SLC45A1: variants seen among roughly 807,000 people sequenced by gnomAD.
SLC45A1 encodes proton-associated sugar transporter A.
Under a neutral mutation model 57.6 loss-of-function variants are expected in SLC45A1, and 28 were observed. The ratio of observed to expected loss-of-function variants is 0.49; its 90% CI spans 0.36 to 0.67. SLC45A1 has a LOEUF of 0.67. SLC45A1 is among the 30% of genes least tolerant of loss of function. The pLI, the probability that SLC45A1 is intolerant of heterozygous loss-of-function variation, is 0.00. For missense variants in SLC45A1, 814 were observed against 1,041.5 expected (o/e 0.78, Z 3.01); for synonymous variants, 459 against 471.5 (o/e 0.97, Z 0.34).
chr1:8,342,391 T>C (rs1360998806), intron 8 of SLC45A1, among the ~76,000 whole-genome samples: 3 of 152,180 alleles, frequency 2.0e-5, no homozygotes, highest in African/African-American at 7.2e-5. Flanking sequence ...AACAGTTTTG[T>C]CACCCCAGGA....
Position 8,330,128 on chromosome 1 carries a change from A to G in SLC45A1, c.716-81A>G, listed in dbSNP as rs1007002791. Reference sequence around the variant, plus strand: ...CCCTGGAATGGCCTTGGCTACCTTCATGTCCTTCTAAGAACGGGGCCACCG... The same window carrying G: ...CCCTGGAATGGCCTTGGCTACCTTCGTGTCCTTCTAAGAACGGGGCCACCG... On this transcript the variant is annotated intron_variant, in intron 4 of 8. Coordinates refer to ENST00000471889, the MANE Select transcript of SLC45A1 (RefSeq NM_001080397.3). This position sits in a 1 kb window ranked among gnomAD's most constrained non-coding sequence, Gnocchi z 8.4. 3.3e-6 allele frequency: 5 copies of G among 1,528,312 alleles called. No individual in the cohort carries two copies. In the African/African-American group the frequency reaches 4.2e-5, roughly 13 times the overall value. The allele number at this position is 1,528,312 out of a possible 1,614,324, so 94.7% of individuals were successfully genotyped here.
rs1640178108 is a variant in SLC45A1 at position 8,325,783 on chromosome 1, A to G, written c.491-35A>G. On this transcript the variant is annotated intron_variant, in intron 3 of 8. Coordinates refer to ENST00000471889, the MANE Select transcript of SLC45A1 (RefSeq NM_001080397.3). The surrounding 1 kb of genome is among the most constrained non-coding windows in gnomAD (Gnocchi z 6.3). ...GCTGCCGGGGACAGAGCTGGTCTGC[A>G]TTTTCTTGGGGTGACTTTGTTTCTC... 6.3e-7 allele frequency: 1 copy of G among 1,593,416 alleles called. No homozygotes were observed. The highest frequency in any genetic ancestry group is 1.1e-5 in the South Asian group (1 of 90,620).
chr1:8,320,621 G>C (rs1639973791), intron 1 of SLC45A1, among the ~76,000 whole-genome samples: 1 of 151,792 alleles, frequency 6.6e-6, no homozygotes, highest in Non-Finnish European at 1.5e-5. Flanking sequence ...GCCTGGGCTA[G>C]ATAGAGGGAG....
At position 8,343,877 on chromosome 1, in the gene SLC45A1, G is replaced by C; in HGVS notation, c.2111G>C (p.Ser704Thr). 1.9e-6 allele frequency: 3 copies of C among 1,614,196 alleles called. No individual in the cohort carries two copies. The Admixed American group carries it at 5.0e-5, about 27-fold the overall frequency. The change falls in exon 9 of 9, where the codon AGT (serine) becomes ACT (threonine). Residue 704 changes from serine (S) to threonine (T), a missense_variant. Physicochemically the swap from Ser to Thr is moderately conservative, Grantham distance 58. Transcript: ENST00000471889. The surrounding 1 kb of genome is among the most constrained non-coding windows in gnomAD (Gnocchi z 7.7). ...VLGPLTSAVG[S>T]ANGVMYFSSL... ...GGGCCCCTGACCTCGGCCGTGGGCA[G>C]TGCCAACGGGGTGATGTACTTCTCC...
intron 1 of SLC45A1, among the ~76,000 whole-genome samples, chr1:8,318,479 G>A (rs536756100): frequency 7.2e-5 from 11 of 152,340 alleles, no homozygotes; most frequent in Non-Finnish European, 1.0e-4. Context: ...CTCCTGATGC[G>A]CTCCTTGAGC....
At chr1:8,340,919 G>A (rs1300017020) in intron 8 of SLC45A1, among the ~76,000 whole-genome samples, 4 of 152,286 alleles carry the variant, frequency 2.6e-5, no homozygotes, top group South Asian at 2.1e-4. Context: ...GGGTCCGGGC[G>A]TGGTGGCTCA....
intron 6 of SLC45A1, chr1:8,336,086 C>G (rs1640601854): frequency 6.5e-6 from 1 of 153,824 alleles, no homozygotes; most frequent in Admixed American, 6.5e-5. Context: ...TAGTCTCTTT[C>G]TGCTGTCGAG....
chr1:8,330,858 G>C lies in SLC45A1; in HGVS notation c.1365G>C (p.Gln455His). The change falls in exon 5 of 9, where the codon CAG becomes CAC. Residue 455 changes from glutamine to histidine, a missense_variant. Gln to His is a conservative substitution (Grantham distance 24, BLOSUM62 0). Coordinates refer to ENST00000471889, the MANE Select transcript of SLC45A1 (RefSeq NM_001080397.3). The surrounding 1 kb of genome is among the most constrained non-coding windows in gnomAD (Gnocchi z 8.4). The stretch of plus-strand genomic sequence containing the variant: ...CATCAGGGATTCTGAAGAGACCTCA[G>C]ACCTTGGCCATCCCGGACGCAGCCG... ...PRSSGILKRPQTLAIPDAAGG... is the reference protein window; with the variant it reads ...PRSSGILKRPHTLAIPDAAGG... The C allele has an allele frequency of 1.2e-6, 2 of 1,611,902 alleles. No homozygotes were observed. The highest frequency in any genetic ancestry group is 1.7e-6 in the Non-Finnish European group (2 of 1,178,810).
chr1:8,325,424 G>GA lies in SLC45A1; in HGVS notation c.490+34_490+35insA. ...TTTTGGCATGGAAATAAAATGGAGA[G>GA]GAAAAAAAAAAGGCCCCAACTGCTT... On this transcript the variant is annotated intron_variant, in intron 3 of 8. Coordinates refer to ENST00000471889, the MANE Select transcript of SLC45A1 (RefSeq NM_001080397.3). This position sits in a 1 kb window ranked among gnomAD's most constrained non-coding sequence, Gnocchi z 6.3. 1 of 1,456,160 alleles carries GA rather than the reference G, an allele frequency of 6.9e-7. No individual in the cohort carries two copies. Among genetic ancestry groups the GA allele is most frequent in the Admixed American group, 2.0e-5 (1 of 50,550 alleles). 90.2% of individuals were successfully genotyped at this position (1,456,160 alleles called of 1,614,324 possible).
intron 6 of SLC45A1, among the ~76,000 whole-genome samples, chr1:8,336,707 C>T (rs1482828330): frequency 6.6e-6 from 1 of 152,204 alleles, no homozygotes; most frequent in Non-Finnish European, 1.5e-5. Flanking sequence ...TGCACCCACA[C>T]TGTGAAATAT....
Position 8,324,504 on chromosome 1 carries a change from T to TGGCCCC in SLC45A1, c.175_176insGGCCCC (p.Ser59delinsTrpProPro). On this transcript the variant is annotated protein_altering_variant, in exon 2 of 9. Coordinates refer to ENST00000471889, the MANE Select transcript of SLC45A1 (RefSeq NM_001080397.3). The stretch of plus-strand genomic sequence containing the variant: ...CAAGAGGAGGAAGTGCATTCGTCCC[T>TGGCCCC]CCCCACCCCCGCCCCCCAACACCCC... 6.5e-7 allele frequency: 1 copy of TGGCCCC among 1,528,688 alleles called. No individual in the cohort carries two copies. Among genetic ancestry groups the TGGCCCC allele is most frequent in the Non-Finnish European group, 9.0e-7 (1 of 1,108,762 alleles). The allele number at this position is 1,528,688 out of a possible 1,614,324, so 94.7% of individuals were successfully genotyped here.
chr1:8,340,206 G>A (rs1640766801), intron 8 of SLC45A1, among the ~76,000 whole-genome samples: 1 of 144,430 alleles, frequency 6.9e-6, no homozygotes, highest in East Asian at 2.0e-4. Context: ...TCTGATGCCT[G>A]TGCTGGAGTG....
In SLC45A1 at chr1:8,343,055, T is replaced by C. The variant is rs1324392194; in HGVS notation, c.1981-692T>C. The stretch of plus-strand genomic sequence containing the variant: ...GAGTTTGGAGTCTGACAAGTTCAGC[T>C]GGGCTGGCCCTGAGCACAGCCCTTC... On this transcript the variant is annotated intron_variant, in intron 8 of 8. Transcript: ENST00000471889. This position sits in a 1 kb window ranked among gnomAD's most constrained non-coding sequence, Gnocchi z 7.7. Among the ~76,000 whole-genome samples, 3 of 152,226 alleles carry C rather than the reference T, an allele frequency of 2.0e-5. No homozygotes were observed. Among genetic ancestry groups the C allele is most frequent in the African/African-American group, 7.2e-5 (3 of 41,468 alleles).
In SLC45A1 at chr1:8,330,154, C is replaced by A; in HGVS notation, c.716-55C>A. 6.3e-7 allele frequency: 1 copy of A among 1,581,254 alleles called. No homozygotes were observed. Among genetic ancestry groups the A allele is most frequent in the South Asian group, 1.2e-5 (1 of 86,262 alleles). Reference sequence around the variant, plus strand: ...TGTCCTTCTAAGAACGGGGCCACCGCGTTTGGGGCTTCTCCTCCCGCAGAA... The same window carrying A: ...TGTCCTTCTAAGAACGGGGCCACCGAGTTTGGGGCTTCTCCTCCCGCAGAA... On this transcript the variant is annotated intron_variant, in intron 4 of 8. Transcript: ENST00000471889. The surrounding 1 kb of genome is among the most constrained non-coding windows in gnomAD (Gnocchi z 8.4).
At position 8,339,640 on chromosome 1, in the gene SLC45A1, T is replaced by C; in HGVS notation, c.1922T>C (p.Phe641Ser). 1 of 1,614,258 alleles carries C rather than the reference T, an allele frequency of 6.2e-7. No homozygotes were observed. Among genetic ancestry groups the C allele is most frequent in the Non-Finnish European group, 8.5e-7 (1 of 1,180,052 alleles). Reference protein sequence around the residue: ...LSLCITYGILFSTLCTLPYSL... With the variant: ...LSLCITYGILSSTLCTLPYSL... ...CTCTGCATAACCTACGGGATTTTAT[T>C]TTCCACCCTGTGCACCTTGCCTTAC... is the stretch of plus-strand genomic sequence containing the variant. Residue 641 changes from phenylalanine to serine, a missense_variant, in exon 8 of 9, where the codon TTT becomes TCT. Coordinates refer to ENST00000471889, the MANE Select transcript of SLC45A1 (RefSeq NM_001080397.3).
rs564948282 is a variant in SLC45A1 at position 8,339,442 on chromosome 1, C to A, written c.1775-51C>A. Reference sequence around the variant, plus strand: ...CGGGAGGTGGCACTGGAAGCTGAATCCCCGGAGGCTCTGGCCGTGTGGCAC... The same window carrying A: ...CGGGAGGTGGCACTGGAAGCTGAATACCCGGAGGCTCTGGCCGTGTGGCAC... On this transcript the variant is annotated intron_variant, in intron 7 of 8. Transcript: ENST00000471889. The A allele has an allele frequency of 2.4e-5, 38 of 1,581,998 alleles. No individual in the cohort carries two copies. The East Asian group carries it at 8.3e-4, about 35-fold the overall frequency.
chr1:8,330,392 G>C lies in SLC45A1; in HGVS notation c.899G>C (p.Arg300Pro). Reference sequence around the variant, plus strand: ...CCGCTGCGGCCGCCGAGTGAGAAGCGGGCAGCCATGAAGAGCCCCAGCCTC... The same window carrying C: ...CCGCTGCGGCCGCCGAGTGAGAAGCCGGCAGCCATGAAGAGCCCCAGCCTC... ...ERPLRPPSEK[R>P]AAMKSPSLPL... The change falls in exon 5 of 9, where the codon CGG (arginine) becomes CCG (proline). Residue 300 changes from arginine (R) to proline (P), a missense_variant. Physicochemically the swap from Arg to Pro is moderately radical, Grantham distance 103 (BLOSUM62 -2). Coordinates refer to ENST00000471889, the MANE Select transcript of SLC45A1 (RefSeq NM_001080397.3). The surrounding 1 kb of genome is among the most constrained non-coding windows in gnomAD (Gnocchi z 8.4). 1 of 1,612,646 alleles carries C rather than the reference G, an allele frequency of 6.2e-7. No individual in the cohort carries two copies. Among genetic ancestry groups the C allele is most frequent in the East Asian group, 2.2e-5 (1 of 44,836 alleles).
intron 8 of SLC45A1, among the ~76,000 whole-genome samples, chr1:8,340,833 G>T (rs763710267): frequency 5.9e-5 from 9 of 152,128 alleles, no homozygotes; most frequent in Non-Finnish European, 1.2e-4. Flanking sequence ...TTTAGAAAAG[G>T]ACAGCTGAAA....
intron 7 of SLC45A1, 142 bp from the exon 8 acceptor site, chr1:8,339,351 C>CT (rs1254499635): frequency 8.4e-5 from 62 of 740,346 alleles, no homozygotes; most frequent in Non-Finnish European, 2.5e-5. Flanking sequence ...CCAGGAAGTA[C>CT]TTTCTGGTCT....
Sources: gnomAD v4.1 joint callset for allele counts (sites outside exome capture counted in the v4.1 genomes callset) on GRCh38, gnomAD v4.1.1 for gene constraint, Gnocchi (gnomAD v3.1) non-coding constraint, MANE v1.5 for transcripts, NCBI Gene and HGNC (gene_info 2026-07-23, HGNC 2026-07-21) for gene names.